CGAS: variants seen among roughly 807,000 people sequenced by gnomAD.
The protein encoded by CGAS is cyclic GMP-AMP synthase.
A neutral mutation model predicts 34.0 loss-of-function variants in CGAS; 31 were observed. The ratio of observed to expected loss-of-function variants is 0.91; its 90% CI spans 0.69 to 1.23. The LOEUF (loss-of-function observed/expected upper bound fraction) is 1.23. Among genes scored for constraint, CGAS ranks in the 50% most tolerant of loss-of-function variants. The probability of loss-of-function intolerance (pLI) is 0.00; values close to 1 mark genes in which losing one functional copy is unlikely to be tolerated. For missense variants in CGAS, 597 were observed against 657.6 expected, an observed-to-expected ratio of 0.91 and a Z score of 1.01; for synonymous variants, 266 against 260.0, an observed-to-expected ratio of 1.02 and a Z score of -0.22.
intron 2 of CGAS, among the ~76,000 whole-genome samples, chr6:73,445,102 A>G (rs1203877628): frequency 6.6e-6 from 1 of 152,086 alleles, no homozygotes. Context: ...TGCAAAGGAT[A>G]TATTTGGGCT....
intron 1 of CGAS, among the ~76,000 whole-genome samples, chr6:73,447,821 AT>A (rs1182081167): frequency 6.6e-6 from 1 of 152,130 alleles, no homozygotes; most frequent in Non-Finnish European, 1.5e-5. Context: ...ATATTGAAAT[AT>A]TTTTATTTTT....
intron 3 of CGAS, among the ~76,000 whole-genome samples, chr6:73,435,072 C>CAGTT (rs562898418): frequency 3.0e-4 from 45 of 151,912 alleles, no homozygotes; most frequent in Non-Finnish European, 3.5e-4. Flanking sequence ...TCTGTAGTCC[C>CAGTT]AGTTACTTGA....
chr6:73,443,748 A>C (rs1265177331), intron 2 of CGAS, among the ~76,000 whole-genome samples: 2 of 152,228 alleles, frequency 1.3e-5, no homozygotes, highest in Non-Finnish European at 2.9e-5. Flanking sequence ...TTAATCTAAT[A>C]GCGTAATAAC....
rs1434791944 is a variant in CGAS, at chr6:73,425,269, T to TTCAATTTGCTTTGTCAG, written c.1510_1526dup (p.Glu509AspfsTer2). On this transcript the variant is annotated stop_gained and frameshift_variant, in exon 5 of 5. Coordinates refer to ENST00000370315, the MANE Select transcript of CGAS (RefSeq NM_138441.3). LOFTEE classifies it high-confidence loss of function. ...CTGGAAACTCATTGTTTCTTTCATATTCAATTTGCTTTGTCAGAAATTCCT... is the reference window on the plus strand; with the variant it reads ...CTGGAAACTCATTGTTTCTTTCATATTCAATTTGCTTTGTCAGTCAATTTGCTTTGTCAGAAATTCCT... 7 of 1,594,028 alleles carry TTCAATTTGCTTTGTCAG rather than the reference T, an allele frequency of 4.4e-6. No individual in the cohort carries two copies. The highest frequency in any genetic ancestry group is 1.2e-5 in the South Asian group (1 of 86,954).
At chr6:73,436,435 T>C (rs1013061712) in intron 3 of CGAS, among the ~76,000 whole-genome samples, 1 of 101,020 alleles carries the variant, frequency 9.9e-6, no homozygotes, top group African/African-American at 3.5e-5. Flanking sequence ...ATATGTAATA[T>C]GTCATATAAT....
chr6:73,451,083 A>G (rs956980769), intron 1 of CGAS, among the ~76,000 whole-genome samples: 1 of 151,576 alleles, frequency 6.6e-6, no homozygotes, highest in Non-Finnish European at 1.5e-5. Flanking sequence ...GAAGAGGGGG[A>G]GAGAAACTGA....
intron 3 of CGAS, among the ~76,000 whole-genome samples, chr6:73,438,449 G>C (rs1770312806): frequency 6.6e-6 from 1 of 152,126 alleles, no homozygotes. Flanking sequence ...TGTAATCCCA[G>C]CACTTTGGGA....
chr6:73,425,398 G>A lies in CGAS; in HGVS notation c.1398C>T (p.Asn466=), dbSNP rs1476073493. ...GGCACTGAAGAAAGTATGTCACGCA[G>A]TTATCAAAGCAGAGGCCCAGGTCTT... ...DRKDLGLCFD[N]CVTYFLQCLR... The change falls in exon 5 of 5, where the codon AAC becomes AAT. Residue 466 remains asparagine, a synonymous_variant. Coordinates refer to ENST00000370315, the MANE Select transcript of CGAS (RefSeq NM_138441.3). The A allele has an allele frequency of 6.2e-7, 1 of 1,613,904 alleles. No individual in the cohort carries two copies.
chr6:73,437,517 C>T (rs1770299260), intron 3 of CGAS, among the ~76,000 whole-genome samples: 2 of 152,046 alleles, frequency 1.3e-5, no homozygotes, highest in African/African-American at 4.8e-5. Context: ...TAGCTCACTA[C>T]AGCCCTGAAC....
chr6:73,425,192 G>T lies in CGAS; in HGVS notation c.*35C>A. Reference sequence around the variant, plus strand: ...TCTTGTATTCTCCAGGATTTAGGGTGACTCTAGTTCTTAGATCTTTCTAAA... The same window carrying T: ...TCTTGTATTCTCCAGGATTTAGGGTTACTCTAGTTCTTAGATCTTTCTAAA... On this transcript the variant is annotated 3_prime_UTR_variant, in exon 5 of 5. Coordinates refer to ENST00000370315, the MANE Select transcript of CGAS (RefSeq NM_138441.3). The T allele has an allele frequency of 7.0e-7, 1 of 1,431,866 alleles. No homozygotes were observed. Among genetic ancestry groups the T allele is most frequent in the Non-Finnish European group, 9.4e-7 (1 of 1,062,608 alleles). The allele number at this position is 1,431,866 out of a possible 1,614,324, so 88.7% of individuals were successfully genotyped here. A position where few individuals can be genotyped will look rare whatever the true frequency, so the allele number is the denominator to read the frequency against.
chr6:73,430,270 A>G (rs1172727249), intron 3 of CGAS, among the ~76,000 whole-genome samples: 1 of 152,146 alleles, frequency 6.6e-6, no homozygotes, highest in African/African-American at 2.4e-5. Flanking sequence ...AGGGTTACAC[A>G]CTGGAAAGGG....
At chr6:73,425,916 G>C (rs1000039962) in intron 4 of CGAS, among the ~76,000 whole-genome samples, 1 of 152,134 alleles carries the variant, frequency 6.6e-6, no homozygotes, top group Admixed American at 6.6e-5. Context: ...GGAGGTTGCA[G>C]TGAGCCAAGA....
Position 73,452,244 on chromosome 6 carries a change from G to A in CGAS, c.-63C>T. On this transcript the variant is annotated 5_prime_UTR_variant, in exon 1 of 5. Transcript: ENST00000370315. ...TCAGGAAAAGGCCGCAAGAGGAAGA[G>A]CCAGCAGCAGCTGTTGGAAACCAAG... 6.7e-7 allele frequency: 1 copy of A among 1,497,528 alleles called. No homozygotes were observed. The highest frequency in any genetic ancestry group is 8.9e-7 in the Non-Finnish European group (1 of 1,121,544). 92.8% of individuals were successfully genotyped at this position (1,497,528 alleles called of 1,614,324 possible). A position where few individuals can be genotyped will look rare whatever the true frequency, so the allele number is the denominator to read the frequency against.
In CGAS at chr6:73,452,229, G is replaced by A. The variant is rs889914782; in HGVS notation, c.-48C>T. 11 of 1,540,616 alleles carry A rather than the reference G, an allele frequency of 7.1e-6. No homozygotes were observed. Among genetic ancestry groups the A allele is most frequent in the Non-Finnish European group, 9.6e-6 (11 of 1,143,896 alleles). On this transcript the variant is annotated 5_prime_UTR_variant, in exon 1 of 5. Transcript: ENST00000370315. ...AAAGAAGAATCCGTTTCAGGAAAAGGCCGCAAGAGGAAGAGCCAGCAGCAG... is the reference window on the plus strand; with the variant it reads ...AAAGAAGAATCCGTTTCAGGAAAAGACCGCAAGAGGAAGAGCCAGCAGCAG...
chr6:73,450,212 T>C (rs1336607806), intron 1 of CGAS, among the ~76,000 whole-genome samples: 1 of 150,078 alleles, frequency 6.7e-6, no homozygotes, highest in Admixed American at 6.7e-5. Context: ...AGGTCGGGAG[T>C]TCTAGACCAG....
At position 73,451,714 on chromosome 6, in the gene CGAS, C is replaced by G. The variant is rs752337338; in HGVS notation, c.468G>C (p.Arg156Ser). 1 of 1,613,592 alleles carries G rather than the reference C, an allele frequency of 6.2e-7. No individual in the cohort carries two copies. The highest frequency in any genetic ancestry group is 1.7e-5 in the Admixed American group (1 of 60,020). ...LPVSAPILVR[R>S]DAAPGASKLR... is the part of the protein sequence containing the mutation. ...GCTTCGAGGCCCCAGGCGCCGCATC[C>G]CTCCGTACGAGAATGGGGGCCGAGA... The change falls in exon 1 of 5, where the codon AGG becomes AGC. Residue 156 changes from arginine to serine, a missense_variant. Arg to Ser is a moderately radical substitution (Grantham distance 110). Around this residue, in one of 3 missense-constraint regions of CGAS, gnomAD observed 321 missense variants for 314.3 expected, o/e 1.02. Coordinates refer to ENST00000370315, the MANE Select transcript of CGAS (RefSeq NM_138441.3).
intron 1 of CGAS, among the ~76,000 whole-genome samples, chr6:73,448,918 T>G (rs924289163): frequency 6.6e-6 from 1 of 151,072 alleles, no homozygotes; most frequent in Non-Finnish European, 1.5e-5. Context: ...GCTGAAACCT[T>G]ATCTCTACTA....
chr6:73,446,872 A>G (rs1369799737), intron 1 of CGAS, among the ~76,000 whole-genome samples: 1 of 152,044 alleles, frequency 6.6e-6, no homozygotes, highest in Non-Finnish European at 1.5e-5. Flanking sequence ...CCTGGCCAAC[A>G]TGGTGGAACT....
chr6:73,429,284 A>T (rs993421741), intron 3 of CGAS, among the ~76,000 whole-genome samples: 11 of 152,142 alleles, frequency 7.2e-5, no homozygotes, highest in Admixed American at 2.0e-4. Context: ...ATGTATAAAA[A>T]TAAGTACACT....
Sources: allele counts gnomAD v4.1 joint callset (sites outside exome capture counted in the v4.1 genomes callset), GRCh38; gene constraint gnomAD v4.1.1; regional missense constraint gnomAD v4.1.1; transcripts MANE v1.5; gene names NCBI Gene and HGNC (gene_info 2026-07-23, HGNC 2026-07-21).